The following IL17RD variants were observed in gnomAD, a reference collection of about 807,000 sequenced individuals.
IL17RD encodes interleukin-17 receptor D.
In IL17RD, 52 loss-of-function variants were observed where a neutral mutation model predicts 80.5. The ratio of observed to expected loss-of-function variants is 0.65; its 90% CI spans 0.52 to 0.81. The LOEUF is 0.81. Among genes scored for constraint, IL17RD ranks in the 40% least tolerant of loss-of-function variants. The pLI, the probability that IL17RD is intolerant of heterozygous loss-of-function variation, is 0.00. For synonymous variants in IL17RD, 416 were observed against 391.8 expected, an observed-to-expected ratio of 1.06 and a Z score of -0.73; for missense variants, 1,024 against 955.1, an observed-to-expected ratio of 1.07 and a Z score of -0.95.
intron 12 of IL17RD, 74 bp from the exon 13 acceptor site, chr3:57,096,579 T>C: frequency 9.5e-7 from 1 of 1,051,038 alleles, no homozygotes; most frequent in Non-Finnish European, 1.5e-6. Flanking sequence ...CATGGCAGAA[T>C]GTGACTGGAT....
intron 1 of IL17RD, among the ~76,000 whole-genome samples, chr3:57,146,029 TCA>T (rs773020144): frequency 3.8e-4 from 52 of 136,468 alleles, no homozygotes; most frequent in East Asian, 1.0e-3. Context: ...ACACACACAC[TCA>T]CGCGCGCGCG....
In IL17RD at chr3:57,096,270, T is replaced by A. The variant is rs1706668693; in HGVS notation, c.*123A>T. 1.4e-6 allele frequency: 1 copy of A among 719,302 alleles called. No individual in the cohort carries two copies. The highest frequency in any genetic ancestry group is 2.5e-6 in the Non-Finnish European group (1 of 392,456). The allele number at this position is 719,302 out of a possible 1,614,324, so 44.6% of individuals were successfully genotyped here. On this transcript the variant is annotated 3_prime_UTR_variant, in exon 13 of 13. Coordinates refer to ENST00000296318, the MANE Select transcript of IL17RD (RefSeq NM_017563.5). Reference sequence around the variant, plus strand: ...AAGGGAGAACAAGTACTGGCCAGCATTTCACTCCAAATATCCTTGTATGAG... The same window carrying A: ...AAGGGAGAACAAGTACTGGCCAGCAATTCACTCCAAATATCCTTGTATGAG...
chr3:57,105,552 A>AAATAT lies in IL17RD; in HGVS notation c.747+304_747+305insATATT. Among the ~76,000 whole-genome samples the AAATAT allele has an allele frequency of 1.3e-4, 8 of 63,588 alleles. 1 individual carries two copies. Among genetic ancestry groups the AAATAT allele is most frequent in the African/African-American group, 6.5e-4 (7 of 10,734 alleles). The allele number at this position is 63,588 out of a possible 152,430, so 41.7% of individuals were successfully genotyped here. A position where few individuals can be genotyped will look rare whatever the true frequency, so the allele number is the denominator to read the frequency against. On this transcript the variant is annotated intron_variant, in intron 7 of 12. Coordinates refer to ENST00000296318, the MANE Select transcript of IL17RD (RefSeq NM_017563.5). The stretch of plus-strand genomic sequence containing the variant: ...ACTCCATCTCAAAAAAAAAAAAAAA[A>AAATAT]ATATATATATATATATATTTGTTCA...
chr3:57,114,411 C>G (rs537187881), intron 3 of IL17RD, among the ~76,000 whole-genome samples: 2 of 152,282 alleles, frequency 1.3e-5, no homozygotes, highest in Non-Finnish European at 2.9e-5. Flanking sequence ...AGGGCTGAGA[C>G]AGAGGCCAAG....
intron 1 of IL17RD, among the ~76,000 whole-genome samples, chr3:57,123,364 C>T (rs747549891): frequency 2.0e-5 from 3 of 152,220 alleles, no homozygotes; most frequent in African/African-American, 4.8e-5. Flanking sequence ...GTGACACCTG[C>T]CTACCTTCCC....
chr3:57,105,768 T>C, intron 7 of IL17RD, 89 bp downstream of exon 7: 1 of 1,086,446 alleles, frequency 9.2e-7, no homozygotes, highest in Non-Finnish European at 1.3e-6. Flanking sequence ...CAACAAAGCC[T>C]AATGCTCACA....
intron 1 of IL17RD, among the ~76,000 whole-genome samples, chr3:57,135,758 C>T (rs1414938083): frequency 2.2e-4 from 34 of 152,166 alleles, no homozygotes; most frequent in Non-Finnish European, 2.5e-4. Flanking sequence ...AAAATTCTTT[C>T]TAAGGGTCTT....
At chr3:57,127,359 A>AAAATAT (rs1707508827) in intron 1 of IL17RD, among the ~76,000 whole-genome samples, 2 of 74,004 alleles carry the variant, frequency 2.7e-5, no homozygotes, top group East Asian at 7.9e-4. Context: ...AATATATATA[A>AAAATAT]ATATAAATAT....
intron 11 of IL17RD, among the ~76,000 whole-genome samples, 169 bp from the exon 12 acceptor site, chr3:57,098,707 A>C (rs1394242844): frequency 6.6e-6 from 1 of 152,228 alleles, no homozygotes; most frequent in Non-Finnish European, 1.5e-5. Flanking sequence ...GAACAGCTAA[A>C]GTTCCGTGGG....
At chr3:57,127,289 TATATAAATATATATAAAAATATATAAAA>T (rs1425580147) in intron 1 of IL17RD, among the ~76,000 whole-genome samples, 1 of 91,870 alleles carries the variant, frequency 1.1e-5, no homozygotes, top group African/African-American at 5.0e-5. Context: ...TATATAAATA[TATATAAATATATATAAAAATATATAAAA>T]ATATATATAA....
chr3:57,096,064 G>A lies in IL17RD; in HGVS notation c.*329C>T. On this transcript the variant is annotated 3_prime_UTR_variant, in exon 13 of 13. Transcript: ENST00000296318. ...GAGCTCAATGAAGTCTGAATGATTA[G>A]TGCAGGTATCTTCCTGTTTTTCTTT... 1 of 287,104 alleles carries A rather than the reference G, an allele frequency of 3.5e-6. No homozygotes were observed. Among genetic ancestry groups the A allele is most frequent in the South Asian group, 5.3e-5 (1 of 18,962 alleles). 17.8% of individuals were successfully genotyped at this position (287,104 alleles called of 1,614,324 possible).
intron 1 of IL17RD, among the ~76,000 whole-genome samples, chr3:57,152,093 C>T (rs2060229465): frequency 6.6e-6 from 1 of 152,136 alleles, no homozygotes. Flanking sequence ...CTTGCACTCC[C>T]TCTTCCACAA....
chr3:57,164,733 G>A (rs1456854289), intron 1 of IL17RD, among the ~76,000 whole-genome samples: 2 of 152,184 alleles, frequency 1.3e-5, no homozygotes, highest in Non-Finnish European at 2.9e-5. Context: ...GTTGTGGACT[G>A]AAAGTCCGGG....
intron 1 of IL17RD, among the ~76,000 whole-genome samples, chr3:57,145,014 G>A (rs1390271190): frequency 1.3e-5 from 2 of 152,158 alleles, no homozygotes; most frequent in Non-Finnish European, 2.9e-5. Flanking sequence ...AAAAATGAAC[G>A]ACTCAGTTCT....
rs1363749745 is a variant in IL17RD, at chr3:57,101,333, C to T, written c.1010G>A (p.Ser337Asn). The T allele has an allele frequency of 6.2e-7, 1 of 1,610,224 alleles. No individual in the cohort carries two copies. The highest frequency in any genetic ancestry group is 1.7e-5 in the Admixed American group (1 of 59,534). The stretch of plus-strand genomic sequence containing the variant: ...TGCAGTGTATGTGGAAGACTCAGAG[C>T]TCTCTTCATCTAAATGTGAATATAT... Reference protein sequence around the residue: ...ENIYSHLDEESSESSTYTAAL... With the variant: ...ENIYSHLDEENSESSTYTAAL... Residue 337 changes from serine to asparagine, a missense_variant, in exon 11 of 13, where the codon AGC becomes AAC. Transcript: ENST00000296318.
intron 1 of IL17RD, among the ~76,000 whole-genome samples, chr3:57,150,843 C>T (rs1708044742): frequency 6.6e-6 from 1 of 152,206 alleles, no homozygotes; most frequent in Non-Finnish European, 1.5e-5. Context: ...CAGAAAACCT[C>T]CTCTGCTCAG....
rs554840033 is a variant in IL17RD at position 57,151,584 on chromosome 3, A to C, written c.126+13577T>G. On this transcript the variant is annotated intron_variant, in intron 1 of 12. Transcript: ENST00000296318. ...TGTTATGAGGCTAAGAGGGCTGAGA[A>C]ATCAAAATACTAAGATGGGACCCCT... Among the ~76,000 whole-genome samples the C allele has an allele frequency of 6.6e-5, 10 of 152,308 alleles. No individual in the cohort carries two copies. In the South Asian group the frequency reaches 1.5e-3, roughly 22 times the overall value.
chr3:57,121,145 T>C (rs768718341), intron 1 of IL17RD, among the ~76,000 whole-genome samples: 1 of 152,228 alleles, frequency 6.6e-6, no homozygotes, highest in African/African-American at 2.4e-5. Context: ...AATCACAGAA[T>C]TCTCCAAAAT....
At chr3:57,114,608 T>A (rs1707169540) in intron 3 of IL17RD, 84 bp downstream of exon 3, 2 of 1,331,496 alleles carry the variant, frequency 1.5e-6, no homozygotes, top group East Asian at 4.9e-5. Context: ...ACCTGCCTGG[T>A]TCCTGGAGAC....
Sources: allele counts gnomAD v4.1 joint callset (sites outside exome capture counted in the v4.1 genomes callset), GRCh38; gene constraint gnomAD v4.1.1; transcripts MANE v1.5; gene names NCBI Gene and HGNC (gene_info 2026-07-23, HGNC 2026-07-21).